BSN: variants seen among roughly 807,000 people sequenced by gnomAD.
The protein encoded by BSN is bassoon presynaptic cytomatrix protein.
Under a neutral mutation model 264.8 loss-of-function variants are expected in BSN, and 57 were observed. That is an observed-to-expected ratio of 0.22 (90% CI 0.17 to 0.27). The LOEUF (loss-of-function observed/expected upper bound fraction) is 0.27, where lower values mean the gene tolerates loss of function less well. Ranked by LOEUF, BSN falls within the 10% of genes least tolerant of loss-of-function variation. The pLI, the probability that BSN is intolerant of heterozygous loss-of-function variation, is 1.00. For missense variants in BSN, 4,615 were observed against 5,232.5 expected (o/e 0.88, Z 3.64); for synonymous variants, 2,059 against 2,137.3 (o/e 0.96, Z 1.01).
intron 1 of BSN, among the ~76,000 whole-genome samples, chr3:49,588,888 G>T (rs1456153092): frequency 6.6e-6 from 1 of 151,556 alleles, no homozygotes; most frequent in African/African-American, 2.4e-5. Flanking sequence ...CATTTGAGAA[G>T]AGTGCGCATT....
intron 1 of BSN, among the ~76,000 whole-genome samples, chr3:49,580,131 A>G (rs2051884646): frequency 6.6e-6 from 1 of 152,064 alleles, no homozygotes; most frequent in African/African-American, 2.4e-5. Flanking sequence ...TTTTATTTAG[A>G]TACAGGGTCT....
rs904202920 is a variant in BSN at position 49,662,494 on chromosome 3, C to T, written c.10649C>T (p.Ala3550Val). 1 of 1,613,224 alleles carries T rather than the reference C, an allele frequency of 6.2e-7. No homozygotes were observed. Among genetic ancestry groups the T allele is most frequent in the African/African-American group, 1.3e-5 (1 of 74,926 alleles). ...GAACATGTCAAGGACGGACCTCGGG[C>T]CCACGCATATAAGCGTGAGGAGGGC... is the stretch of plus-strand genomic sequence containing the variant. ...VQEHVKDGPR[A>V]HAYKREEGYI... Residue 3550 changes from alanine (A) to valine (V), a missense_variant, in exon 6 of 12, where the codon GCC (alanine) becomes GTC (valine). By Grantham distance (64) the Ala-to-Val change is moderately conservative (BLOSUM62 0). Transcript: ENST00000296452.
rs1443106046 is a variant in BSN, at chr3:49,608,829, G to GAA, written c.225-16146_225-16145insAA. On this transcript the variant is annotated intron_variant, in intron 1 of 11. Coordinates refer to ENST00000296452, the MANE Select transcript of BSN (RefSeq NM_003458.4). ...GGTGATAGAGCAAGACTCCGTCTCG[G>GAA]GAAAAAAAAAAAAAAAGAATTGCAT... Among the ~76,000 whole-genome samples, 724 of 131,746 alleles carry GAA rather than the reference G, an allele frequency of 5.5e-3. 5 individuals are homozygous for GAA. The highest frequency in any genetic ancestry group is 8.6e-3 in the Non-Finnish European group (528 of 61,234). The allele number at this position is 131,746 out of a possible 152,430, so 86.4% of individuals were successfully genotyped here.
At chr3:49,603,065 C>G (rs2052084462) in intron 1 of BSN, among the ~76,000 whole-genome samples, 2 of 152,098 alleles carry the variant, frequency 1.3e-5, no homozygotes, top group Non-Finnish European at 2.9e-5. Flanking sequence ...CCATACCTGC[C>G]TCTCACTGGG....
chr3:49,606,710 A>T (rs2052155451), intron 1 of BSN, among the ~76,000 whole-genome samples: 1 of 152,020 alleles, frequency 6.6e-6, no homozygotes, highest in Non-Finnish European at 1.5e-5. Context: ...CTGTATTCAC[A>T]TCCTCCATCC....
intron 1 of BSN, among the ~76,000 whole-genome samples, chr3:49,575,913 C>A (rs978217112): frequency 1.3e-5 from 2 of 151,844 alleles, no homozygotes; most frequent in South Asian, 4.2e-4. Context: ...TATCTGTGAA[C>A]CTATTGTGAA....
At chr3:49,570,776 C>T (rs1248305818) in intron 1 of BSN, among the ~76,000 whole-genome samples, 3 of 152,326 alleles carry the variant, frequency 2.0e-5, no homozygotes, top group African/African-American at 4.8e-5. Flanking sequence ...AATGCCAAGG[C>T]AATACCTCCC....
chr3:49,590,214 CTG>C (rs2051968113), intron 1 of BSN, among the ~76,000 whole-genome samples: 1 of 152,062 alleles, frequency 6.6e-6, no homozygotes, highest in South Asian at 2.1e-4. Flanking sequence ...TTACAGCTGT[CTG>C]TGGTTGCTGT....
chr3:49,643,149 G>C lies in BSN; in HGVS notation c.1515G>C (p.Val505=). ...LCGFNPTPHL[V]EKTEWLCLNC... is the part of the protein sequence containing the mutation. Reference sequence around the variant, plus strand: ...GCTTCAACCCAACACCCCACCTGGTGGAGGTAAGAGCTGGACCAAGCATGC... The same window carrying C: ...GCTTCAACCCAACACCCCACCTGGTCGAGGTAAGAGCTGGACCAAGCATGC... The change falls in exon 3 of 12, where the codon GTG becomes GTC. Residue 505 remains valine, a synonymous_variant. Transcript: ENST00000296452. 1.2e-6 allele frequency: 2 copies of C among 1,606,724 alleles called. No homozygotes were observed. The highest frequency in any genetic ancestry group is 3.3e-5 in the Admixed American group (2 of 59,830).
At chr3:49,596,145 CTG>C (rs2052020680) in intron 1 of BSN, among the ~76,000 whole-genome samples, 1 of 152,104 alleles carries the variant, frequency 6.6e-6, no homozygotes, top group South Asian at 2.1e-4. Context: ...TGGCTCATGC[CTG>C]TAATCTCAGC....
chr3:49,657,863 G>A lies in BSN; in HGVS notation c.8307G>A (p.Gly2769=). ...EKKKPDPLEI[G]YQAHLPPESL... ...AGAAGCCAGATCCCCTGGAGATTGGGTACCAGGCCCACCTGCCTCCGGAGT... is the reference window on the plus strand; with the variant it reads ...AGAAGCCAGATCCCCTGGAGATTGGATACCAGGCCCACCTGCCTCCGGAGT... Residue 2769 remains glycine, a synonymous_variant, in exon 5 of 12, where the codon GGG becomes GGA. Transcript: ENST00000296452. The A allele has an allele frequency of 6.2e-7, 1 of 1,613,272 alleles. No homozygotes were observed. Among genetic ancestry groups the A allele is most frequent in the Non-Finnish European group, 8.5e-7 (1 of 1,179,850 alleles).
rs180733333 is a variant in BSN at position 49,606,372 on chromosome 3, G to C, written c.225-18603G>C. Reference sequence around the variant, plus strand: ...ACTCTGCTCTGGTGTCTCCTTTTCAGAAGTGCCCCCTGACCCACCAGGGTA... The same window carrying C: ...ACTCTGCTCTGGTGTCTCCTTTTCACAAGTGCCCCCTGACCCACCAGGGTA... On this transcript the variant is annotated intron_variant, in intron 1 of 11. Transcript: ENST00000296452. Among the ~76,000 whole-genome samples the C allele has an allele frequency of 5.7e-3, 255 of 44,370 alleles. 1 individual carries two copies. The highest frequency in any genetic ancestry group is 0.01 in the Middle Eastern group (1 of 100). 29.1% of individuals were successfully genotyped at this position (44,370 alleles called of 152,430 possible). A position where few individuals can be genotyped will look rare whatever the true frequency, so the allele number is the denominator to read the frequency against.
rs961567540 is a variant in BSN, at chr3:49,660,269, G to A, written c.8641-217G>A. 6.6e-6 allele frequency among the ~76,000 whole-genome samples: 1 copy of A among 152,210 alleles called. No individual in the cohort carries two copies. The highest frequency in any genetic ancestry group is 2.4e-5 in the African/African-American group (1 of 41,442). ...CTGCTTCCCAAAGCTCTGGGAAAGA[G>A]AAGGGCTGTAAAATAATCACAGATC... On this transcript the variant is annotated intron_variant, in intron 5 of 11. Coordinates refer to ENST00000296452, the MANE Select transcript of BSN (RefSeq NM_003458.4). The surrounding 1 kb of genome is among the most constrained non-coding windows in gnomAD (Gnocchi z 7.1).
chr3:49,572,055 C>T (rs1309844817), intron 1 of BSN, among the ~76,000 whole-genome samples: 1 of 152,212 alleles, frequency 6.6e-6, no homozygotes, highest in Non-Finnish European at 1.5e-5. Flanking sequence ...GGAAACACAA[C>T]AGTCAGCAGG....
chr3:49,652,443 G>T lies in BSN; in HGVS notation c.2887G>T (p.Glu963Ter). The part of the protein sequence containing the change: ...DPSLDREPEL[E>*]MESLTGSPED... ...CAGTCTGGACCGGGAGCCTGAGCTG[G>T]AGATGGAGAGCCTAACGGGCTCCCC... The change falls in exon 5 of 12, where the codon GAG becomes TAG. Residue 963 changes from glutamate (E) to a stop codon, truncating the protein, a stop_gained. Coordinates refer to ENST00000296452, the MANE Select transcript of BSN (RefSeq NM_003458.4). LOFTEE classifies it high-confidence loss of function. 1 of 1,613,406 alleles carries T rather than the reference G, an allele frequency of 6.2e-7. No homozygotes were observed. Among genetic ancestry groups the T allele is most frequent in the Non-Finnish European group, 8.5e-7 (1 of 1,179,756 alleles).
intron 1 of BSN, among the ~76,000 whole-genome samples, chr3:49,607,170 T>A (rs927942364): frequency 6.6e-6 from 1 of 152,200 alleles, no homozygotes; most frequent in African/African-American, 2.4e-5. Context: ...CACTGCTGCC[T>A]GGACTTCTCA....
chr3:49,650,311 C>T (rs1338358362), intron 3 of BSN, among the ~76,000 whole-genome samples: 11 of 152,214 alleles, frequency 7.2e-5, no homozygotes, highest in Non-Finnish European at 1.0e-4. Context: ...GGGCTAGGCC[C>T]TCCCATCCCC....
intron 1 of BSN, among the ~76,000 whole-genome samples, chr3:49,555,340 G>C (rs544777938): frequency 5.3e-5 from 8 of 152,328 alleles, no homozygotes; most frequent in Admixed American, 3.3e-4. Flanking sequence ...GCATTTAGTG[G>C]CTGTAATCAC....
At chr3:49,613,303 C>CGAGAGAGAGAGAGAGAGAGGGA in intron 1 of BSN, among the ~76,000 whole-genome samples, 1 of 47,346 alleles carries the variant, frequency 2.1e-5, no homozygotes, top group African/African-American at 7.0e-5. Flanking sequence ...ACACACAGAG[C>CGAGAGAGAGAGAGAGAGAGGGA]GAGAGAGAGA....
Sources: gnomAD v4.1 joint callset for allele counts (sites outside exome capture counted in the v4.1 genomes callset) on GRCh38, gnomAD v4.1.1 for gene constraint, Gnocchi (gnomAD v3.1) non-coding constraint, MANE v1.5 for transcripts, NCBI Gene and HGNC (gene_info 2026-07-23, HGNC 2026-07-21) for gene names.